The following CGNL1 variants were observed in gnomAD, a reference collection of about 807,000 sequenced individuals.
CGNL1 encodes cingulin like 1.
In CGNL1, 132 loss-of-function variants were observed where a neutral mutation model predicts 141.2. The ratio of observed to expected loss-of-function variants is 0.93; its 90% CI spans 0.81 to 1.08. CGNL1 has a LOEUF of 1.08. Among genes scored for constraint, CGNL1 ranks in the 50% least tolerant of loss-of-function variants. The probability of loss-of-function intolerance (pLI) is 0.00; values close to 1 mark genes in which losing one functional copy is unlikely to be tolerated. For missense variants in CGNL1, 1,870 were observed against 1,588.6 expected (o/e 1.18, Z -3.01); for synonymous variants, 690 against 622.1 (o/e 1.11, Z -1.63).
Position 57,444,502 on chromosome 15 carries a change from G to C in CGNL1, c.1803+2024G>C, listed in dbSNP as rs559932105. 8.7e-4 allele frequency among the ~76,000 whole-genome samples: 132 copies of C among 152,290 alleles called. 3 individuals carry two copies. Among genetic ancestry groups the C allele is most frequent in the Non-Finnish European group, 2.9e-5 (2 of 68,030 alleles). The stretch of plus-strand genomic sequence containing the variant: ...TGTGTTTAACTCGTAAATTATACCT[G>C]TTTGTTCTTAGAGTGAGCGCAGTCT... On this transcript the variant is annotated intron_variant, in intron 4 of 18. Coordinates refer to ENST00000281282, the MANE Select transcript of CGNL1 (RefSeq NM_032866.5).
intron 1 of CGNL1, among the ~76,000 whole-genome samples, chr15:57,417,254 T>G (rs544706818): frequency 6.6e-6 from 1 of 152,308 alleles, no homozygotes; most frequent in African/African-American, 2.4e-5. Flanking sequence ...TTTTCTTTCT[T>G]TCTTTCTTAC....
intron 4 of CGNL1, among the ~76,000 whole-genome samples, chr15:57,449,499 C>T (rs1390337954): frequency 6.6e-6 from 1 of 152,206 alleles, no homozygotes; most frequent in Non-Finnish European, 1.5e-5. Flanking sequence ...CCCTCCACCA[C>T]TGTTAGCATC....
At position 57,441,251 on chromosome 15, in the gene CGNL1, A is replaced by G. The variant is rs79248970; in HGVS notation, c.1697+780A>G. ...AAACAGGGGATCTTTTGAAAGGGGG[A>G]AAAAAAAAGTAACCTGAAAGATTAA... On this transcript the variant is annotated intron_variant, in intron 3 of 18. Coordinates refer to ENST00000281282, the MANE Select transcript of CGNL1 (RefSeq NM_032866.5). Among the ~76,000 whole-genome samples the G allele has an allele frequency of 2.2e-3, 328 of 148,556 alleles. 1 individual carries two copies. Among genetic ancestry groups the G allele is most frequent in the African/African-American group, 6.8e-3 (274 of 40,162 alleles).
intron 8 of CGNL1, among the ~76,000 whole-genome samples, chr15:57,486,617 C>T (rs2063789065): frequency 6.6e-6 from 1 of 152,144 alleles, no homozygotes; most frequent in Non-Finnish European, 1.5e-5. Context: ...TCAAGGGTGA[C>T]CTTCAGCTTT....
chr15:57,505,027 A>G (rs1250745157), intron 8 of CGNL1, among the ~76,000 whole-genome samples: 1 of 152,044 alleles, frequency 6.6e-6, no homozygotes, highest in Non-Finnish European at 1.5e-5. Context: ...AGCTCTTTTG[A>G]GGGAGGGGGT....
intron 1 of CGNL1, among the ~76,000 whole-genome samples, chr15:57,383,453 G>C (rs190121470): frequency 5.3e-5 from 8 of 151,438 alleles, no homozygotes; most frequent in African/African-American, 1.7e-4. Flanking sequence ...CACGTGCCAC[G>C]ACGCCCGGCT....
At chr15:57,529,359 A>G (rs1413318419) in intron 13 of CGNL1, among the ~76,000 whole-genome samples, 2 of 152,200 alleles carry the variant, frequency 1.3e-5, no homozygotes, top group East Asian at 3.9e-4. Flanking sequence ...CCAAGACAGC[A>G]TATCAGAAAG....
intron 1 of CGNL1, among the ~76,000 whole-genome samples, chr15:57,390,688 C>T (rs772844770): frequency 1.3e-5 from 2 of 152,132 alleles, no homozygotes; most frequent in Non-Finnish European, 2.9e-5. Flanking sequence ...AGGTACCAGC[C>T]CAGGCCTTGG....
chr15:57,387,704 G>A (rs143922548), intron 1 of CGNL1, among the ~76,000 whole-genome samples: 2 of 152,296 alleles, frequency 1.3e-5, no homozygotes, highest in Non-Finnish European at 2.9e-5. Context: ...CAATTAAGTC[G>A]TTTAATAAAA....
intron 14 of CGNL1, among the ~76,000 whole-genome samples, chr15:57,542,854 C>T (rs2032639537): frequency 6.6e-6 from 1 of 152,210 alleles, no homozygotes; most frequent in Non-Finnish European, 1.5e-5. Flanking sequence ...TCCAGGCAAA[C>T]TTAGACAGTG....
chr15:57,444,251 A>G (rs1166913091), intron 4 of CGNL1, among the ~76,000 whole-genome samples: 4 of 152,176 alleles, frequency 2.6e-5, no homozygotes, highest in African/African-American at 9.7e-5. Context: ...ATCAAGATTC[A>G]TTAGTGTTGC....
At chr15:57,486,638 G>C (rs1412688471) in intron 8 of CGNL1, among the ~76,000 whole-genome samples, 1 of 152,198 alleles carries the variant, frequency 6.6e-6, no homozygotes, top group Non-Finnish European at 1.5e-5. Context: ...TACGTTAGGT[G>C]ACTGGTGAAT....
chr15:57,444,188 T>C (rs770526869), intron 4 of CGNL1, among the ~76,000 whole-genome samples: 1 of 150,896 alleles, frequency 6.6e-6, no homozygotes, highest in Non-Finnish European at 1.5e-5. Context: ...TTTATATAAA[T>C]TTTCACAATA....
chr15:57,469,093 TACTTGGTGGTGGTG>T (rs2063547790), intron 8 of CGNL1, among the ~76,000 whole-genome samples: 1 of 152,028 alleles, frequency 6.6e-6, no homozygotes, highest in African/African-American at 2.4e-5. Flanking sequence ...GTGGGGACAT[TACTTGGTGGTGGTG>T]TGACCTGAGG....
Position 57,442,496 on chromosome 15 carries a change from A to G in CGNL1, c.1803+18A>G, listed in dbSNP as rs769531130. On this transcript the variant is annotated intron_variant, in intron 4 of 18. Coordinates refer to ENST00000281282, the MANE Select transcript of CGNL1 (RefSeq NM_032866.5). Reference sequence around the variant, plus strand: ...ATAACCAAGTAAATGGAAGTTTTGTATTTTGTAGAGTGCATTTAGCATGGA... The same window carrying G: ...ATAACCAAGTAAATGGAAGTTTTGTGTTTTGTAGAGTGCATTTAGCATGGA... 2.0e-5 allele frequency: 29 copies of G among 1,481,898 alleles called. No individual in the cohort carries two copies. The highest frequency in any genetic ancestry group is 2.6e-5 in the Non-Finnish European group (28 of 1,060,600). The allele number at this position is 1,481,898 out of a possible 1,614,324, so 91.8% of individuals were successfully genotyped here.
intron 8 of CGNL1, among the ~76,000 whole-genome samples, chr15:57,478,574 G>A (rs911761205): frequency 1.7e-4 from 26 of 152,104 alleles, no homozygotes; most frequent in Admixed American, 1.0e-3. Flanking sequence ...GTGGAAAGCT[G>A]TTAATAGCTT....
intron 8 of CGNL1, among the ~76,000 whole-genome samples, chr15:57,486,083 G>GCTGACTCAGGCAGGCTGAGGTGGTGA (rs2063781491): frequency 1.3e-5 from 2 of 152,168 alleles, no homozygotes; most frequent in Non-Finnish European, 2.9e-5. Context: ...CAGGGCCCGG[G>GCTGACTCAGGCAGGCTGAGGTGGTGA]CTGACTCAGG....
chr15:57,381,425 G>T (rs1417756545), intron 1 of CGNL1, among the ~76,000 whole-genome samples: 1 of 152,166 alleles, frequency 6.6e-6, no homozygotes, highest in African/African-American at 2.4e-5. Context: ...GCCTGGTGTG[G>T]TGGTGCGTGC....
chr15:57,462,610 A>T (rs2063461443), intron 8 of CGNL1, among the ~76,000 whole-genome samples: 1 of 152,210 alleles, frequency 6.6e-6, no homozygotes, highest in African/African-American at 2.4e-5. Flanking sequence ...TCTGCAATAT[A>T]TAGGTTAAAA....
Sources: allele counts gnomAD v4.1 joint callset (sites outside exome capture counted in the v4.1 genomes callset), GRCh38; gene constraint gnomAD v4.1.1; transcripts MANE v1.5; gene names NCBI Gene and HGNC (gene_info 2026-07-23, HGNC 2026-07-21).